Variants in RAPGEF5 observed in about 807,000 individuals in gnomAD.
The protein encoded by RAPGEF5 is Rap guanine nucleotide exchange factor 5.
A neutral mutation model predicts 125.2 loss-of-function variants in RAPGEF5; 65 were observed. That is an observed-to-expected ratio of 0.52 (90% confidence interval 0.43 to 0.64). The LOEUF (loss-of-function observed/expected upper bound fraction) is 0.64, where lower values mean the gene tolerates loss of function less well. RAPGEF5 is among the 30% of genes least tolerant of loss of function. The pLI is 0.00. For missense variants in RAPGEF5, 958 were observed against 1,048.1 expected (o/e 0.91, Z 1.19); for synonymous variants, 391 against 385.9 (o/e 1.01, Z -0.16).
In RAPGEF5 at chr7:22,162,828, A is replaced by G. The variant is rs1056105649; in HGVS notation, c.1284-287T>C. On this transcript the variant is annotated intron_variant, in intron 12 of 25. Transcript: ENST00000665637. ...GCAACATGCAGTTAATGCCAGCCCA[A>G]GGAGATACTAGGTGGTCCATTAATT... 1.2e-4 allele frequency: 58 copies of G among 484,574 alleles called. 1 individual carries two copies. The highest frequency in any genetic ancestry group is 9.7e-4 in the South Asian group (57 of 58,638). 30.0% of individuals were successfully genotyped at this position (484,574 alleles called of 1,614,324 possible).
intron 6 of RAPGEF5, among the ~76,000 whole-genome samples, chr7:22,288,757 T>C (rs111789192): frequency 0.012 from 1,793 of 152,248 alleles, 34 homozygotes; most frequent in African/African-American, 0.041. Flanking sequence ...CTTAAAAAAA[T>C]CAATTTCTTT....
chr7:22,271,875 G>A (rs1051816912), intron 6 of RAPGEF5, among the ~76,000 whole-genome samples: 15 of 152,144 alleles, frequency 9.9e-5, no homozygotes, highest in Non-Finnish European at 1.8e-4. Flanking sequence ...GTTTAGTAGT[G>A]CCTTTGGTCT....
chr7:22,222,684 A>G (rs554004263), intron 8 of RAPGEF5, among the ~76,000 whole-genome samples: 1 of 152,320 alleles, frequency 6.6e-6, no homozygotes, highest in Admixed American at 6.5e-5. Context: ...CTTTTTCTGA[A>G]TAAGACAGAA....
chr7:22,193,378 T>A lies in RAPGEF5; in HGVS notation c.1193A>T (p.Asp398Val). 1 of 1,588,062 alleles carries A rather than the reference T, an allele frequency of 6.3e-7. No homozygotes were observed. The highest frequency in any genetic ancestry group is 8.6e-7 in the Non-Finnish European group (1 of 1,166,118). The change falls in exon 11 of 26, where the codon GAC (aspartate) becomes GTC (valine). Residue 398 changes from aspartate to valine, a missense_variant. Transcript: ENST00000665637. ...LNDLHLEEVQ[D>V]KETETLLDDF... ...ACTCAGAGCCTTACCTGTTTCTTTG[T>A]CCTGGACTTCTTCCAGGTGCAAGTC...
At chr7:22,272,200 C>T (rs964358067) in intron 6 of RAPGEF5, among the ~76,000 whole-genome samples, 6 of 151,406 alleles carry the variant, frequency 4.0e-5, no homozygotes, top group Non-Finnish European at 8.8e-5. Flanking sequence ...AAAAATTAGC[C>T]GAGTATGGTG....
At chr7:22,193,126 G>C (rs974234608) in intron 11 of RAPGEF5, 2 of 561,368 alleles carry the variant, frequency 3.6e-6, no homozygotes, top group East Asian at 5.8e-5. Flanking sequence ...AAAGAAACAA[G>C]AACAGCTGCC....
chr7:22,357,109 T>G lies in RAPGEF5; in HGVS notation c.-49A>C. On this transcript the variant is annotated 5_prime_UTR_variant, in exon 1 of 26. Transcript: ENST00000665637. ...GGGGCTCCTCTCCACCGCGCTCGCC[T>G]CCGCGCGCCGTCCGCGCCTTCGCCA... 1.1e-6 allele frequency: 1 copy of G among 950,860 alleles called. No individual in the cohort carries two copies. The allele number at this position is 950,860 out of a possible 1,614,324, so 58.9% of individuals were successfully genotyped here. A position where few individuals can be genotyped will look rare whatever the true frequency, so the allele number is the denominator to read the frequency against.
At chr7:22,197,097 G>C (rs1048213838) in intron 9 of RAPGEF5, among the ~76,000 whole-genome samples, 1 of 152,086 alleles carries the variant, frequency 6.6e-6, no homozygotes, top group Admixed American at 6.5e-5. Flanking sequence ...CGCTGTATCA[G>C]GAGACCCCAG....
chr7:22,234,731 T>A (rs12700363), intron 7 of RAPGEF5, among the ~76,000 whole-genome samples: 12,162 of 152,146 alleles, frequency 0.08, 587 homozygotes, highest in Middle Eastern at 0.099. Flanking sequence ...CCTAGGATTG[T>A]GGGGCTTAAC....
intron 4 of RAPGEF5, among the ~76,000 whole-genome samples, chr7:22,309,338 G>C (rs1245133124): frequency 6.6e-6 from 1 of 152,192 alleles, no homozygotes; most frequent in African/African-American, 2.4e-5. Flanking sequence ...GTATGCCCTT[G>C]ATATTTATTA....
chr7:22,194,551 GAA>G, intron 9 of RAPGEF5: 6 of 880,328 alleles, frequency 6.8e-6, no homozygotes, highest in African/African-American at 1.8e-5. Flanking sequence ...AAGGCGGCAA[GAA>G]AAAAAAAACT....
In RAPGEF5 at chr7:22,193,967, C is replaced by T. The variant is rs1037789031; in HGVS notation, c.1063G>A (p.Val355Met). ...QDQSVLVLKKVQCCGPAPTAG... is the reference protein window; with the variant it reads ...QDQSVLVLKKMQCCGPAPTAG... ...GTGGGGGCTGGGCCACAGCACTGCACTTTCTTCAGCACCAGGACGCTCTGG... is the reference window on the plus strand; with the variant it reads ...GTGGGGGCTGGGCCACAGCACTGCATTTTCTTCAGCACCAGGACGCTCTGG... Residue 355 changes from valine (V) to methionine (M), a missense_variant, in exon 10 of 26, where the codon GTG becomes ATG. Coordinates refer to ENST00000665637, the MANE Select transcript of RAPGEF5 (RefSeq NM_012294.5). 2 of 1,613,960 alleles carry T rather than the reference C, an allele frequency of 1.2e-6. No homozygotes were observed. Among genetic ancestry groups the T allele is most frequent in the South Asian group, 2.2e-5 (2 of 91,072 alleles).
chr7:22,319,991 A>T (rs1216634443), intron 1 of RAPGEF5, among the ~76,000 whole-genome samples: 5 of 152,144 alleles, frequency 3.3e-5, no homozygotes, highest in Non-Finnish European at 5.9e-5. Context: ...AACCTCCCCC[A>T]TGGATGGCTT....
chr7:22,287,053 CT>C, intron 6 of RAPGEF5, among the ~76,000 whole-genome samples: 1 of 152,332 alleles, frequency 6.6e-6, no homozygotes, highest in South Asian at 2.1e-4. Flanking sequence ...AGTCACACTG[CT>C]TCCAGATAAT....
At chr7:22,250,654 G>T in intron 7 of RAPGEF5, among the ~76,000 whole-genome samples, 1 of 152,042 alleles carries the variant, frequency 6.6e-6, no homozygotes, top group East Asian at 1.9e-4. Flanking sequence ...AGAAGAAAAT[G>T]TCCCCGGGGG....
At chr7:22,260,493 G>T (rs1386774830) in intron 7 of RAPGEF5, among the ~76,000 whole-genome samples, 1 of 137,106 alleles carries the variant, frequency 7.3e-6, no homozygotes, top group Admixed American at 7.3e-5. Flanking sequence ...TAAAGAAAAA[G>T]ACTGAGGAAC....
Position 22,230,818 on chromosome 7 carries a change from T to C in RAPGEF5, c.870+28A>G, listed in dbSNP as rs767336975. 83 of 1,543,798 alleles carry C rather than the reference T, an allele frequency of 5.4e-5. No homozygotes were observed. In the South Asian group the frequency reaches 9.8e-4, roughly 18 times the overall value. On this transcript the variant is annotated intron_variant, in intron 8 of 25. Coordinates refer to ENST00000665637, the MANE Select transcript of RAPGEF5 (RefSeq NM_012294.5). ...CCACCCTCAACACAGAAGGGTATGA[T>C]GAGGGGCTGTCACAGAATTGATCAT...
intron 12 of RAPGEF5, among the ~76,000 whole-genome samples, chr7:22,164,611 T>C (rs1014592245): frequency 1.3e-5 from 2 of 152,204 alleles, no homozygotes; most frequent in Admixed American, 6.5e-5. Context: ...CTGCAAGATA[T>C]ATATTTAAAA....
chr7:22,214,445 T>A (rs1275849873), intron 9 of RAPGEF5, among the ~76,000 whole-genome samples: 1 of 152,192 alleles, frequency 6.6e-6, no homozygotes, highest in Non-Finnish European at 1.5e-5. Context: ...GGTTAGGAGC[T>A]ATTGTTGGTA....
Sources: allele counts gnomAD v4.1 joint callset (sites outside exome capture counted in the v4.1 genomes callset), GRCh38; gene constraint gnomAD v4.1.1; transcripts MANE v1.5; gene names NCBI Gene and HGNC (gene_info 2026-07-23, HGNC 2026-07-21).